Variants in DNAJB6 observed in about 807,000 individuals in gnomAD.
DNAJB6 encodes the protein dnaJ homolog subfamily B member 6.
DNAJB6 carries 16 observed loss-of-function variants against 42.7 expected under a neutral mutation model. That is an observed-to-expected ratio of 0.37 (90% CI 0.25 to 0.57). The LOEUF is 0.57. DNAJB6 is among the 20% of genes least tolerant of loss of function. The pLI is 0.74. For synonymous variants in DNAJB6, 170 were observed against 163.5 expected (o/e 1.04, Z -0.30); for missense variants, 347 against 416.8 (o/e 0.83, Z 1.46).
intron 8 of DNAJB6, among the ~76,000 whole-genome samples, chr7:157,402,255 C>A (rs575519641): frequency 6.6e-6 from 1 of 152,340 alleles, no homozygotes; most frequent in Admixed American, 6.5e-5. Context: ...TCCACCCTGG[C>A]CTTGTCCTCA....
At chr7:157,415,546 G>A (rs753823964) in intron 9 of DNAJB6, 35 of 175,410 alleles carry the variant, frequency 2.0e-4, no homozygotes, top group Middle Eastern at 2.6e-3. Context: ...ACACCTTTGC[G>A]CAGGCCCAGT....
At chr7:157,351,468 A>C (rs1435165531) in intron 1 of DNAJB6, among the ~76,000 whole-genome samples, 1 of 151,864 alleles carries the variant, frequency 6.6e-6, no homozygotes, top group Non-Finnish European at 1.5e-5. Context: ...TCTCTACTAA[A>C]AATACAAAAA....
chr7:157,416,064 C>G lies in DNAJB6; in HGVS notation c.947C>G (p.Ser316Trp), dbSNP rs371304535. 6.8e-6 allele frequency: 11 copies of G among 1,613,948 alleles called. No homozygotes were observed. Among genetic ancestry groups the G allele is most frequent in the Non-Finnish European group, 9.3e-6 (11 of 1,179,994 alleles). ...KRKKQKQREESKKKKSTKGNH is the reference protein window; with the variant it reads ...KRKKQKQREEWKKKKSTKGNH Reference sequence around the variant, plus strand: ...AAGAAGCAGAAGCAGAGAGAGGAGTCGAAGAAGAAGAAGTCGACCAAAGGC... The same window carrying G: ...AAGAAGCAGAAGCAGAGAGAGGAGTGGAAGAAGAAGAAGTCGACCAAAGGC... The change falls in exon 10 of 10, where the codon TCG becomes TGG. Residue 316 changes from serine to tryptophan, a missense_variant. Around this residue, in one of 3 missense-constraint regions of DNAJB6, gnomAD observed 264 missense variants for 288.0 expected, o/e 0.92. Coordinates refer to ENST00000262177, the MANE Select transcript of DNAJB6 (RefSeq NM_058246.4).
chr7:157,385,999 C>T (rs1001733285), intron 8 of DNAJB6: 144 of 992,936 alleles, frequency 1.5e-4, no homozygotes, highest in Admixed American at 5.4e-4. Context: ...ATGTGAGCCA[C>T]GTAGTGTCGG....
At chr7:157,356,698 C>T (rs928972996) in intron 1 of DNAJB6, among the ~76,000 whole-genome samples, 5 of 152,192 alleles carry the variant, frequency 3.3e-5, no homozygotes, top group African/African-American at 1.2e-4. Flanking sequence ...AAGCTGATAA[C>T]GTTAAATTGG....
rs10479638 is a variant in DNAJB6 at position 157,385,050 on chromosome 7, G to A, written c.620+42G>A. 672 of 1,592,964 alleles carry A rather than the reference G, an allele frequency of 4.2e-4. 1 individual carries two copies. The African/African-American group carries it at 6.0e-3, about 14-fold the overall frequency. On this transcript the variant is annotated intron_variant, in intron 7 of 9. Coordinates refer to ENST00000262177, the MANE Select transcript of DNAJB6 (RefSeq NM_058246.4). Reference sequence around the variant, plus strand: ...CATTTTATATTTTTAGTAAGCAGGCGTAACGTTTCACTGGTGCCATGTTGC... The same window carrying A: ...CATTTTATATTTTTAGTAAGCAGGCATAACGTTTCACTGGTGCCATGTTGC...
intron 8 of DNAJB6, among the ~76,000 whole-genome samples, chr7:157,394,260 G>C (rs535981461): frequency 2.6e-5 from 4 of 152,178 alleles, no homozygotes; most frequent in African/African-American, 9.6e-5. Context: ...CTATTTTTTG[G>C]AAGGAAGGGT....
intron 8 of DNAJB6, among the ~76,000 whole-genome samples, chr7:157,392,748 C>T (rs982625560): frequency 2.4e-4 from 37 of 152,220 alleles, no homozygotes; most frequent in Non-Finnish European, 5.3e-4. Flanking sequence ...CCTTTGACAC[C>T]CGAGAGCCAT....
At chr7:157,343,049 C>T (rs536814262) in intron 1 of DNAJB6, among the ~76,000 whole-genome samples, 3 of 150,796 alleles carry the variant, frequency 2.0e-5, no homozygotes, top group East Asian at 2.0e-4. Flanking sequence ...TGGAGTGCAG[C>T]GGCGTGATCT....
chr7:157,396,065 A>T (rs1253469748), intron 8 of DNAJB6, among the ~76,000 whole-genome samples: 1 of 151,550 alleles, frequency 6.6e-6, no homozygotes, highest in East Asian at 1.9e-4. Context: ...CTCATGCCTC[A>T]GCCTCCTGAA....
intron 3 of DNAJB6, among the ~76,000 whole-genome samples, chr7:157,363,919 A>G (rs536303374): frequency 1.3e-5 from 2 of 151,898 alleles, no homozygotes; most frequent in East Asian, 1.9e-4. Context: ...GGGGTGGGGG[A>G]ACAGTGACAG....
chr7:157,402,430 C>T (rs1252913472), intron 8 of DNAJB6, among the ~76,000 whole-genome samples: 1 of 152,252 alleles, frequency 6.6e-6, no homozygotes, highest in Admixed American at 6.5e-5. Flanking sequence ...CTGCCATGCT[C>T]TCTTGCTGGC....
intron 4 of DNAJB6, 62 bp downstream of exon 4, chr7:157,366,623 A>G: frequency 1.4e-6 from 2 of 1,479,138 alleles, no homozygotes; most frequent in Non-Finnish European, 1.9e-6. Flanking sequence ...GAGTTTGTAA[A>G]TCACGAGTCT....
chr7:157,350,648 A>G (rs1798921532), intron 1 of DNAJB6, among the ~76,000 whole-genome samples: 1 of 152,142 alleles, frequency 6.6e-6, no homozygotes, highest in Admixed American at 6.5e-5. Flanking sequence ...GAAGACGCCC[A>G]ATATGGCACT....
At chr7:157,337,518 C>T (rs1798107145) in intron 1 of DNAJB6, 1 of 152,158 alleles carries the variant, frequency 6.6e-6, no homozygotes, top group Non-Finnish European at 1.5e-5. Flanking sequence ...AGGCGTGGAG[C>T]GCCTTCTTTT....
At chr7:157,377,530 C>T (rs1164759017) in intron 5 of DNAJB6, among the ~76,000 whole-genome samples, 1 of 152,180 alleles carries the variant, frequency 6.6e-6, no homozygotes, top group Admixed American at 6.5e-5. Context: ...GGAAGGTGCT[C>T]ACGACTCTAA....
chr7:157,410,515 C>A, intron 9 of DNAJB6: 1 of 172,464 alleles, frequency 5.8e-6, no homozygotes, highest in Non-Finnish European at 1.2e-5. Context: ...GGGTTCTTGG[C>A]CGCCCTGCCC....
intron 8 of DNAJB6, among the ~76,000 whole-genome samples, chr7:157,405,811 T>G (rs970638283): frequency 1.3e-5 from 2 of 152,234 alleles, no homozygotes; most frequent in Admixed American, 1.3e-4. Context: ...GTGGTGCTTG[T>G]TCCGGTTCTC....
rs1388267012 is a variant in DNAJB6 at position 157,416,190 on chromosome 7, G to A, written c.*92G>A. On this transcript the variant is annotated 3_prime_UTR_variant, in exon 10 of 10. Transcript: ENST00000262177. ...GCACACGCGCTAGGTAGCAGCGTCG[G>A]TCAGGACTGTCTCGAGGCCACACTC... 2 of 1,542,548 alleles carry A rather than the reference G, an allele frequency of 1.3e-6. No individual in the cohort carries two copies. The highest frequency in any genetic ancestry group is 2.4e-5 in the East Asian group (1 of 40,956).
Sources: gnomAD v4.1 joint callset for allele counts (sites outside exome capture counted in the v4.1 genomes callset) on GRCh38, gnomAD v4.1.1 for gene constraint, gnomAD v4.1.1 regional missense constraint, MANE v1.5 for transcripts, NCBI Gene and HGNC (gene_info 2026-07-23, HGNC 2026-07-21) for gene names.